The following BMPR1A variants were observed in gnomAD, a reference collection of about 807,000 sequenced individuals.
BMPR1A encodes the protein bone morphogenetic protein receptor type-1A.
Under a neutral mutation model 66.0 loss-of-function variants are expected in BMPR1A, and 7 were observed. The ratio of observed to expected loss-of-function variants is 0.11; its 90% CI spans 0.06 to 0.20. The LOEUF (loss-of-function observed/expected upper bound fraction) is 0.20. Ranked by LOEUF, BMPR1A falls within the 10% of genes least tolerant of loss-of-function variation. The pLI is 1.00. For missense variants in BMPR1A, 408 were observed against 669.1 expected (o/e 0.61, Z 4.31); for synonymous variants, 200 against 229.7 (o/e 0.87, Z 1.17).
At chr10:86,820,407 A>G (rs530697514) in intron 1 of BMPR1A, among the ~76,000 whole-genome samples, 29 of 151,054 alleles carry the variant, frequency 1.9e-4, no homozygotes, top group Non-Finnish European at 3.7e-4. Context: ...GCTAGAGGGT[A>G]CCAAATTAAA....
intron 1 of BMPR1A, among the ~76,000 whole-genome samples, chr10:86,772,492 T>C (rs1376068022): frequency 6.6e-6 from 1 of 152,078 alleles, no homozygotes; most frequent in Non-Finnish European, 1.5e-5. Context: ...TGACCTTGGG[T>C]AGGTGCTTGC....
intron 1 of BMPR1A, among the ~76,000 whole-genome samples, chr10:86,838,342 A>G (rs1842379937): frequency 6.6e-6 from 1 of 152,226 alleles, no homozygotes; most frequent in African/African-American, 2.4e-5. Flanking sequence ...GGTAGTTTAG[A>G]CCTATTCCAC....
intron 1 of BMPR1A, among the ~76,000 whole-genome samples, chr10:86,826,205 AAG>A (rs999483069): frequency 4.1e-4 from 63 of 152,274 alleles, no homozygotes; most frequent in African/African-American, 1.5e-3. Context: ...TGTCTTCCTG[AAG>A]AGTTACATTA....
intron 9 of BMPR1A, among the ~76,000 whole-genome samples, chr10:86,917,583 A>G (rs1843594239): frequency 6.6e-6 from 1 of 152,236 alleles, no homozygotes; most frequent in South Asian, 2.1e-4. Context: ...TCCCATAGTA[A>G]TGAAAACCCA....
chr10:86,804,796 T>G (rs1282540321), intron 1 of BMPR1A, among the ~76,000 whole-genome samples: 1 of 148,808 alleles, frequency 6.7e-6, no homozygotes, highest in Non-Finnish European at 1.5e-5. Context: ...GTAGGTGTTT[T>G]TTTTTTTTTT....
At chr10:86,841,040 G>A (rs1332093634) in intron 2 of BMPR1A, among the ~76,000 whole-genome samples, 1 of 152,170 alleles carries the variant, frequency 6.6e-6, no homozygotes, top group African/African-American at 2.4e-5. Context: ...TATTGTCGGT[G>A]ACACTTTGCC....
At chr10:86,866,407 T>TTTTCTTTTC (rs1435377103) in intron 2 of BMPR1A, among the ~76,000 whole-genome samples, 4 of 109,030 alleles carry the variant, frequency 3.7e-5, no homozygotes, top group Non-Finnish European at 7.2e-5. Flanking sequence ...TTCTTTTTTT[T>TTTTCTTTTC]TTTTTTTTTT....
intron 1 of BMPR1A, among the ~76,000 whole-genome samples, chr10:86,758,789 A>AGATAT (rs1847923712): frequency 6.6e-6 from 1 of 152,182 alleles, no homozygotes; most frequent in South Asian, 2.1e-4. Context: ...TCACCTTCAC[A>AGATAT]AGGAACTATA....
intron 1 of BMPR1A, among the ~76,000 whole-genome samples, chr10:86,783,773 CA>C (rs1436844203): frequency 6.6e-6 from 1 of 152,026 alleles, no homozygotes; most frequent in Non-Finnish European, 1.5e-5. Flanking sequence ...ATTTTTTGTA[CA>C]GATGGGGTCT....
intron 2 of BMPR1A, among the ~76,000 whole-genome samples, chr10:86,874,952 T>G (rs947933136): frequency 1.3e-5 from 2 of 150,432 alleles, no homozygotes; most frequent in Non-Finnish European, 1.5e-5. Context: ...CTTGAACTCC[T>G]GACTTCACTT....
At chr10:86,910,230 G>A (rs753628839) in intron 7 of BMPR1A, among the ~76,000 whole-genome samples, 3 of 152,060 alleles carry the variant, frequency 2.0e-5, no homozygotes, top group African/African-American at 7.3e-5. Context: ...CCAGCTACTC[G>A]GGAGGCTGAG....
At chr10:86,904,184 G>C (rs985727688) in intron 7 of BMPR1A, among the ~76,000 whole-genome samples, 1 of 152,226 alleles carries the variant, frequency 6.6e-6, no homozygotes, top group Non-Finnish European at 1.5e-5. Context: ...GACTATAGGC[G>C]TGAGCCACTG....
chr10:86,796,146 T>C (rs1019886199), intron 1 of BMPR1A, among the ~76,000 whole-genome samples: 1 of 152,194 alleles, frequency 6.6e-6, no homozygotes, highest in Non-Finnish European at 1.5e-5. Flanking sequence ...TTTGACTGTT[T>C]TATGTCGTAT....
In BMPR1A at chr10:86,778,041, C is replaced by T. The variant is rs186280501; in HGVS notation, c.-268+21122C>T. ...AAAAAAAATTAAATTGACAAATGTA[C>T]GTATTTAGGGGGTACATAATGTTGA... On this transcript the variant is annotated intron_variant, in intron 1 of 12. Transcript: ENST00000372037. 2.2e-3 allele frequency among the ~76,000 whole-genome samples: 335 copies of T among 151,330 alleles called. 1 individual carries two copies. Among genetic ancestry groups the T allele is most frequent in the African/African-American group, 7.8e-3 (323 of 41,228 alleles).
chr10:86,848,743 C>T (rs1275930052), intron 2 of BMPR1A, among the ~76,000 whole-genome samples: 1 of 152,138 alleles, frequency 6.6e-6, no homozygotes, highest in Non-Finnish European at 1.5e-5. Flanking sequence ...TTAGTTAGAG[C>T]TGCTTGTATA....
chr10:86,771,468 C>T (rs1177196685), intron 1 of BMPR1A, among the ~76,000 whole-genome samples: 1 of 152,276 alleles, frequency 6.6e-6, no homozygotes, highest in Admixed American at 6.5e-5. Context: ...GATATAGTTA[C>T]TATTATCAGT....
intron 1 of BMPR1A, among the ~76,000 whole-genome samples, chr10:86,828,631 C>T (rs1406855556): frequency 1.3e-5 from 2 of 152,118 alleles, no homozygotes; most frequent in African/African-American, 4.8e-5. Context: ...GAACCCTTAG[C>T]AATCTAGAAT....
chr10:86,798,240 A>G (rs1841753494), intron 1 of BMPR1A, among the ~76,000 whole-genome samples: 1 of 152,102 alleles, frequency 6.6e-6, no homozygotes, highest in Non-Finnish European at 1.5e-5. Context: ...ACCGTATGAC[A>G]TTTTATATCT....
intron 1 of BMPR1A, among the ~76,000 whole-genome samples, chr10:86,814,778 G>T (rs1842011250): frequency 6.6e-6 from 1 of 150,422 alleles, no homozygotes; most frequent in East Asian, 1.9e-4. Flanking sequence ...TTCCTTCACT[G>T]TTTTTTTTTG....
Sources: allele counts gnomAD v4.1 joint callset (sites outside exome capture counted in the v4.1 genomes callset), GRCh38; gene constraint gnomAD v4.1.1; transcripts MANE v1.5; gene names NCBI Gene and HGNC (gene_info 2026-07-23, HGNC 2026-07-21).